SH2D4A: variants seen among roughly 807,000 people sequenced by gnomAD.
SH2D4A encodes SH2 domain-containing protein 4A.
A neutral mutation model predicts 64.7 loss-of-function variants in SH2D4A; 70 were observed. The ratio of observed to expected loss-of-function variants is 1.08; its 90% CI spans 0.89 to 1.32. The LOEUF (loss-of-function observed/expected upper bound fraction) is 1.32. SH2D4A is among the 40% of genes most tolerant of loss of function. The pLI is 0.00. For missense variants in SH2D4A, 706 were observed against 540.1 expected (o/e 1.31, Z -3.04); for synonymous variants, 268 against 200.7 (o/e 1.34, Z -2.83).
chr8:19,358,694 A>G (rs1374084880), intron 5 of SH2D4A, among the ~76,000 whole-genome samples: 1 of 152,196 alleles, frequency 6.6e-6, no homozygotes, highest in Admixed American at 6.5e-5. Flanking sequence ...AAGGTGATAA[A>G]ACAGAGGCAT....
At chr8:19,383,088 G>A (rs2053325441) in intron 8 of SH2D4A, among the ~76,000 whole-genome samples, 1 of 151,820 alleles carries the variant, frequency 6.6e-6, no homozygotes, top group Non-Finnish European at 1.5e-5. Context: ...TTTCTTGGAT[G>A]TTTATATAAT....
At chr8:19,366,632 T>C (rs2052999667) in intron 7 of SH2D4A, among the ~76,000 whole-genome samples, 2 of 152,068 alleles carry the variant, frequency 1.3e-5, no homozygotes, top group South Asian at 4.1e-4. Flanking sequence ...CCGTATTTAC[T>C]AAAAATACAA....
intron 8 of SH2D4A, among the ~76,000 whole-genome samples, chr8:19,374,015 C>T (rs2053154603): frequency 6.6e-6 from 1 of 152,210 alleles, no homozygotes; most frequent in South Asian, 2.1e-4. Context: ...GACACACAGT[C>T]ATGGGTGTGG....
intron 4 of SH2D4A, among the ~76,000 whole-genome samples, chr8:19,337,501 T>C (rs2052461948): frequency 6.6e-6 from 1 of 151,878 alleles, no homozygotes; most frequent in Non-Finnish European, 1.5e-5. Flanking sequence ...GGATCCTAAA[T>C]CCCAAGACAA....
rs2052149249 is a variant in SH2D4A, at chr8:19,319,543, C to A, written c.-5C>A. 2 of 1,512,168 alleles carry A rather than the reference C, an allele frequency of 1.3e-6. No individual in the cohort carries two copies. The highest frequency in any genetic ancestry group is 1.3e-5 in the South Asian group (1 of 75,210). 93.7% of individuals were successfully genotyped at this position (1,512,168 alleles called of 1,614,324 possible). ...ACAAGTATAAAAGACTTCAGAAGTG[C>A]AAAGATGCTGAAACAGATACTGTCG... On this transcript the variant is annotated 5_prime_UTR_variant, in exon 2 of 10. Coordinates refer to ENST00000265807, the MANE Select transcript of SH2D4A (RefSeq NM_022071.4).
In SH2D4A at chr8:19,372,769, A is replaced by G. The variant is rs115246210; in HGVS notation, c.918-761A>G. 6.8e-3 allele frequency among the ~76,000 whole-genome samples: 1,032 copies of G among 152,314 alleles called. 13 individuals are homozygous for G. The highest frequency in any genetic ancestry group is 0.023 in the African/African-American group (939 of 41,582). ...AGGTTCTGCTACTGAATCTATTTCAAAATGATTCTGCTGCCTGTATCTTTG... is the reference window on the plus strand; with the variant it reads ...AGGTTCTGCTACTGAATCTATTTCAGAATGATTCTGCTGCCTGTATCTTTG... On this transcript the variant is annotated intron_variant, in intron 7 of 9. Transcript: ENST00000265807.
At chr8:19,371,316 C>T (rs1026705334) in intron 7 of SH2D4A, among the ~76,000 whole-genome samples, 1 of 151,970 alleles carries the variant, frequency 6.6e-6, no homozygotes, top group African/African-American at 2.4e-5. Context: ...CTTTCCTTTT[C>T]TGAAGGAATA....
chr8:19,349,534 G>T (rs1191284305), intron 4 of SH2D4A, among the ~76,000 whole-genome samples: 1 of 152,086 alleles, frequency 6.6e-6, no homozygotes, highest in African/African-American at 2.4e-5. Flanking sequence ...TTCACTTATT[G>T]AACTCATTAA....
chr8:19,386,347 C>G (rs546833136), intron 8 of SH2D4A, among the ~76,000 whole-genome samples: 3 of 152,358 alleles, frequency 2.0e-5, no homozygotes, highest in African/African-American at 7.2e-5. Flanking sequence ...GTAATGCTGG[C>G]TTTTTCCTGG....
chr8:19,382,805 C>G (rs1406854647), intron 8 of SH2D4A, among the ~76,000 whole-genome samples: 1 of 124,976 alleles, frequency 8.0e-6, no homozygotes, highest in Non-Finnish European at 1.7e-5. Context: ...TCTTTTCTCT[C>G]TTGCTGCTTT....
intron 4 of SH2D4A, among the ~76,000 whole-genome samples, chr8:19,346,842 C>G (rs1483286945): frequency 2.0e-5 from 3 of 152,244 alleles, no homozygotes; most frequent in Admixed American, 6.5e-5. Context: ...GTTCTCTCAC[C>G]CCCAACCCAC....
At chr8:19,351,464 G>A (rs965500453) in intron 4 of SH2D4A, among the ~76,000 whole-genome samples, 11 of 151,962 alleles carry the variant, frequency 7.2e-5, no homozygotes, top group African/African-American at 2.2e-4. Context: ...TTAGCCAGGC[G>A]TGCTGGCAGG....
At chr8:19,344,237 T>A (rs1397118318) in intron 4 of SH2D4A, among the ~76,000 whole-genome samples, 2 of 152,046 alleles carry the variant, frequency 1.3e-5, no homozygotes, top group Admixed American at 1.3e-4. Flanking sequence ...GAGGCTGAAA[T>A]CAAGATGTCA....
chr8:19,351,858 A>T (rs1186297484), intron 4 of SH2D4A, among the ~76,000 whole-genome samples: 1 of 151,996 alleles, frequency 6.6e-6, no homozygotes, highest in African/African-American at 2.4e-5. Flanking sequence ...ATCTTGGCTC[A>T]CTGCAACCTC....
chr8:19,392,535 TGTCCTAGACCAAGTCAA>T (rs377299837), intron 8 of SH2D4A, among the ~76,000 whole-genome samples: 59 of 152,194 alleles, frequency 3.9e-4, no homozygotes, highest in African/African-American at 1.4e-3. Context: ...TGAGAACCAC[TGTCCTAGACCAAGTCAA>T]ATCACTCCCC....
rs1211031293 is a variant in SH2D4A, at chr8:19,382,278, A to T, written c.1048+8618A>T. ...CAGTTTTGCCAGGATTGGCCAAAAGAATCAAGAATCAGTAGGATTCTTGAT... is the reference window on the plus strand; with the variant it reads ...CAGTTTTGCCAGGATTGGCCAAAAGTATCAAGAATCAGTAGGATTCTTGAT... On this transcript the variant is annotated intron_variant, in intron 8 of 9. Coordinates refer to ENST00000265807, the MANE Select transcript of SH2D4A (RefSeq NM_022071.4). Among the ~76,000 whole-genome samples, 3 of 152,156 alleles carry T rather than the reference A, an allele frequency of 2.0e-5. No homozygotes were observed. In the East Asian group the frequency reaches 5.8e-4, roughly 29 times the overall value.
At chr8:19,340,480 A>T (rs905608187) in intron 4 of SH2D4A, among the ~76,000 whole-genome samples, 2 of 151,906 alleles carry the variant, frequency 1.3e-5, no homozygotes, top group African/African-American at 4.8e-5. Flanking sequence ...GCGTGTCTGG[A>T]GAAAGAGCTG....
chr8:19,379,916 T>C (rs1319701150), intron 8 of SH2D4A, among the ~76,000 whole-genome samples: 1 of 152,058 alleles, frequency 6.6e-6, no homozygotes, highest in Non-Finnish European at 1.5e-5. Flanking sequence ...TTTTATTTTT[T>C]GTAGAGACAG....
intron 8 of SH2D4A, among the ~76,000 whole-genome samples, chr8:19,380,985 C>A (rs897059606): frequency 2.0e-5 from 3 of 151,346 alleles, no homozygotes; most frequent in African/African-American, 7.3e-5. Context: ...GTCTTCTAAT[C>A]CAGGAACATG....
Sources: allele counts gnomAD v4.1 joint callset (sites outside exome capture counted in the v4.1 genomes callset), GRCh38; gene constraint gnomAD v4.1.1; transcripts MANE v1.5; gene names NCBI Gene and HGNC (gene_info 2026-07-23, HGNC 2026-07-21).